Variants in ESRRG observed in about 807,000 individuals in gnomAD.
ESRRG encodes estrogen related receptor gamma.
Under a neutral mutation model 44.0 loss-of-function variants are expected in ESRRG, and 13 were observed. The observed-to-expected ratio is 0.30, with a 90% CI of 0.19 to 0.47. The LOEUF is 0.47. Among genes scored for constraint, ESRRG ranks in the 20% least tolerant of loss-of-function variants. ESRRG has a pLI of 1.00. For synonymous variants in ESRRG, 215 were observed against 214.6 expected (o/e 1.00, Z -0.02); for missense variants, 395 against 580.6 (o/e 0.68, Z 3.29).
At chr1:216,983,930 T>A (rs576293447) in intron 1 of ESRRG, among the ~76,000 whole-genome samples, 1 of 151,744 alleles carries the variant, frequency 6.6e-6, no homozygotes, top group Non-Finnish European at 1.5e-5. Context: ...TGGTGAAATA[T>A]CCTTATAACC....
intron 1 of ESRRG, among the ~76,000 whole-genome samples, chr1:217,136,519 T>C (rs1238902229): frequency 6.6e-6 from 1 of 152,174 alleles, no homozygotes; most frequent in African/African-American, 2.4e-5. Context: ...AGCTGCGAGA[T>C]AGCTCCGTGG....
chr1:216,601,269 G>C (rs1164991308), intron 3 of ESRRG, among the ~76,000 whole-genome samples: 1 of 151,992 alleles, frequency 6.6e-6, no homozygotes, highest in East Asian at 2.0e-4. Flanking sequence ...CCACCCCTGG[G>C]CCTCCCAGGG....
intron 1 of ESRRG, among the ~76,000 whole-genome samples, chr1:217,070,953 C>A (rs1161784084): frequency 6.6e-6 from 1 of 152,196 alleles, no homozygotes; most frequent in Non-Finnish European, 1.5e-5. Context: ...ACTTCCAGAA[C>A]TGGTGACCTG....
rs571813022 is a variant in ESRRG, at chr1:217,078,352, T to C, written c.-106+11155A>G. 6 of 152,362 alleles carry C rather than the reference T, an allele frequency of 3.9e-5. No homozygotes were observed. The South Asian group carries it at 1.2e-3, about 32-fold the overall frequency. The allele number at this position is 152,362 out of a possible 1,614,324, so 9.4% of individuals were successfully genotyped here. ...TAAATGTGCTGGTTGATTTGCTCCC[T>C]GGTTGTGTATACACAGTAGCAGCTG... On this transcript the variant is annotated intron_variant, in intron 1 of 7. Coordinates refer to the ESRRG transcript ENST00000359162.
Position 216,571,659 on chromosome 1 carries a change from C to T in ESRRG, c.590-3561G>A, listed in dbSNP as rs117520947. ...ATCAATAACTATCTATGCATTCACT[C>T]GTACATTTACCTCATCCTTCCCATC... On this transcript the variant is annotated intron_variant, in intron 3 of 6. Coordinates refer to ENST00000408911, the MANE Select transcript of ESRRG (RefSeq NM_001438.4). 2.6e-4 allele frequency among the ~76,000 whole-genome samples: 38 copies of T among 147,210 alleles called. No homozygotes were observed. The East Asian group carries it at 6.6e-3, about 25-fold the overall frequency.
At chr1:216,574,895 A>C (rs11572760) in intron 3 of ESRRG, among the ~76,000 whole-genome samples, 2 of 152,138 alleles carry the variant, frequency 1.3e-5, no homozygotes, top group African/African-American at 2.4e-5. Flanking sequence ...ACAGTAGTTC[A>C]CTTTGCTGCC....
At chr1:216,985,425 C>G (rs1389449141) in intron 1 of ESRRG, among the ~76,000 whole-genome samples, 4 of 152,174 alleles carry the variant, frequency 2.6e-5, no homozygotes, top group Admixed American at 2.6e-4. Context: ...AAGGTTTCTC[C>G]AAATATTTCA....
At chr1:216,834,500 A>T in intron 2 of ESRRG, among the ~76,000 whole-genome samples, 1 of 152,248 alleles carries the variant, frequency 6.6e-6, no homozygotes, top group East Asian at 1.9e-4. Flanking sequence ...TGATTTTTTT[A>T]AAAGATGACT....
At chr1:216,725,242 T>C (rs1157835140), upstream of ESRRG, among the ~76,000 whole-genome samples, 1 of 152,132 alleles carries the variant, frequency 6.6e-6, no homozygotes, top group Non-Finnish European at 1.5e-5. Context: ...AGTTTCTAGA[T>C]CAGAACTCAC....
At chr1:216,973,826 CA>C (rs76576502) in intron 1 of ESRRG, among the ~76,000 whole-genome samples, 26,563 of 116,314 alleles carry the variant, frequency 0.23, 2,443 homozygotes, top group East Asian at 0.43. Context: ...AACTCTGTCT[CA>C]AAAAAAAAAA....
intron 1 of ESRRG, among the ~76,000 whole-genome samples, chr1:216,982,617 G>T (rs2074152519): frequency 6.6e-6 from 1 of 152,166 alleles, no homozygotes; most frequent in African/African-American, 2.4e-5. Context: ...GAAAAAGAAT[G>T]GAATAGTAGA....
intron 1 of ESRRG, among the ~76,000 whole-genome samples, chr1:216,963,052 C>T (rs1276410476): frequency 6.6e-6 from 1 of 152,092 alleles, no homozygotes; most frequent in African/African-American, 2.4e-5. Flanking sequence ...TGTGAAAGGA[C>T]AGGAAAATAA....
At chr1:216,760,485 C>T (rs533186432) in intron 2 of ESRRG, among the ~76,000 whole-genome samples, 1 of 152,020 alleles carries the variant, frequency 6.6e-6, no homozygotes, top group Admixed American at 6.6e-5. Context: ...CATCTGTAGT[C>T]CCAGCTACTC....
chr1:217,112,355 G>A (rs1281147550), intron 1 of ESRRG, among the ~76,000 whole-genome samples: 1 of 152,186 alleles, frequency 6.6e-6, no homozygotes, highest in African/African-American at 2.4e-5. Context: ...GGACCTTGAG[G>A]AGATAGATAT....
intron 1 of ESRRG, among the ~76,000 whole-genome samples, chr1:217,126,459 C>A (rs777786283): frequency 6.6e-6 from 1 of 152,122 alleles, no homozygotes; most frequent in Non-Finnish European, 1.5e-5. Flanking sequence ...GCTGTATACA[C>A]CCATGCCATA....
chr1:216,646,501 T>C (rs1048657803), intron 3 of ESRRG, among the ~76,000 whole-genome samples: 15 of 152,140 alleles, frequency 9.9e-5, no homozygotes, highest in Non-Finnish European at 1.8e-4. Flanking sequence ...AGAAGTTCTT[T>C]AACTTGCTCC....
intron 1 of ESRRG, among the ~76,000 whole-genome samples, chr1:216,722,998 C>T (rs934006361): frequency 6.6e-6 from 1 of 152,174 alleles, no homozygotes; most frequent in African/African-American, 2.4e-5. Flanking sequence ...GACTGTCACA[C>T]AGCTGTTTTA....
chr1:216,548,487 A>T (rs2055249219), intron 5 of ESRRG, among the ~76,000 whole-genome samples: 1 of 152,082 alleles, frequency 6.6e-6, no homozygotes, highest in African/African-American at 2.4e-5. Context: ...TTGAAAATGG[A>T]CTTGTTTAAC....
intron 1 of ESRRG, among the ~76,000 whole-genome samples, chr1:217,130,421 A>G (rs2092948830): frequency 6.6e-6 from 1 of 151,894 alleles, no homozygotes; most frequent in African/African-American, 2.4e-5. Flanking sequence ...CTTTTTTTAG[A>G]CAAGGGATCT....
Sources: allele counts gnomAD v4.1 joint callset (sites outside exome capture counted in the v4.1 genomes callset), GRCh38; gene constraint gnomAD v4.1.1; transcripts MANE v1.5; gene names NCBI Gene and HGNC (gene_info 2026-07-23, HGNC 2026-07-21).